Variants in DHRSX observed in about 807,000 individuals in gnomAD.
DHRSX encodes the protein polyprenol dehydrogenase.
A neutral mutation model predicts 34.0 loss-of-function variants in DHRSX; 31 were observed. The observed-to-expected ratio is 0.91, with a 90% confidence interval of 0.69 to 1.23. The LOEUF is 1.23. Ranked by LOEUF, DHRSX falls within the 50% of genes most tolerant of loss-of-function variation. The pLI is 0.00. For missense variants in DHRSX, 414 were observed against 428.1 expected, an observed-to-expected ratio of 0.97 and a Z score of 0.29; for synonymous variants, 201 against 183.8, an observed-to-expected ratio of 1.09 and a Z score of -0.76.
chrX:2,403,074 G>T (rs2043507420), intron 3 of DHRSX, among the ~76,000 whole-genome samples: 1 of 151,854 alleles, frequency 6.6e-6, no homozygotes, highest in Admixed American at 6.6e-5. Context: ...GTAGAGACGG[G>T]GTTTCACCAT....
At chrX:2,249,842 A>C (rs768858385) in intron 5 of DHRSX, among the ~76,000 whole-genome samples, 1 of 151,780 alleles carries the variant, frequency 6.6e-6, no homozygotes, top group African/African-American at 2.4e-5. Flanking sequence ...TCTTTTAGTA[A>C]CATCACTACT....
chrX:2,363,138 C>T (rs1476232361), intron 3 of DHRSX, among the ~76,000 whole-genome samples: 17 of 112,628 alleles, frequency 1.5e-4, no homozygotes, highest in South Asian at 9.3e-4. Flanking sequence ...GGTATCATGC[C>T]GCCATTTTAT....
chrX:2,439,332 G>A (rs1285478401), intron 1 of DHRSX, among the ~76,000 whole-genome samples: 3 of 152,010 alleles, frequency 2.0e-5, no homozygotes, highest in African/African-American at 7.3e-5. Flanking sequence ...ACACATTACA[G>A]AATGTATATA....
intron 3 of DHRSX, among the ~76,000 whole-genome samples, chrX:2,331,756 C>T (rs1025204622): frequency 4.0e-5 from 6 of 151,776 alleles, no homozygotes; most frequent in South Asian, 2.1e-4. Flanking sequence ...GGCCCTGACT[C>T]GAATTTTGAA....
intron 1 of DHRSX, among the ~76,000 whole-genome samples, chrX:2,450,643 G>C (rs1490018418): frequency 6.6e-6 from 1 of 151,554 alleles, no homozygotes; most frequent in Admixed American, 6.6e-5. Flanking sequence ...ATAAGCCCAA[G>C]TCCCACGTAT....
chrX:2,364,965 A>G (rs2042980495), intron 3 of DHRSX, among the ~76,000 whole-genome samples: 1 of 152,264 alleles, frequency 6.6e-6, no homozygotes, highest in East Asian at 1.9e-4. Flanking sequence ...TCTATATCAC[A>G]GTGGTTTTCA....
intron 4 of DHRSX, among the ~76,000 whole-genome samples, chrX:2,282,795 GAAAGAGA>G (rs2041737052): frequency 1.1e-4 from 7 of 63,160 alleles, no homozygotes; most frequent in African/African-American, 1.5e-4. Context: ...AGAGAGAGAA[GAAAGAGA>G]GAAGAGAGAA....
At position 2,443,738 on chromosome X, in the gene DHRSX, A is replaced by G. The variant is rs188523835; in HGVS notation, c.110-18434T>C. 9.6e-3 allele frequency among the ~76,000 whole-genome samples: 1,455 copies of G among 152,242 alleles called. 22 individuals are homozygous for G. The highest frequency in any genetic ancestry group is 0.033 in the African/African-American group (1,366 of 41,570). ...AAAGAGCCAATGGGCCGGGCACGGT[A>G]GCTCACGCCTGTAATCCCAGCACTT... On this transcript the variant is annotated intron_variant, in intron 1 of 6. Coordinates refer to ENST00000334651, the MANE Select transcript of DHRSX (RefSeq NM_145177.3).
At chrX:2,490,873 A>G in intron 1 of DHRSX, 1 of 1,056,654 alleles carries the variant, frequency 9.5e-7, no homozygotes, top group South Asian at 1.6e-5. Flanking sequence ...TCCGCTTTCA[A>G]CCAAAGGGCA....
chrX:2,298,976 ACT>A (rs967263291), intron 3 of DHRSX, among the ~76,000 whole-genome samples: 2 of 121,814 alleles, frequency 1.6e-5, no homozygotes, highest in Non-Finnish European at 3.3e-5. Context: ...CAAGAGTGAA[ACT>A]CTGTCTCAAA....
chrX:2,266,560 C>A (rs1218553413), intron 5 of DHRSX, among the ~76,000 whole-genome samples, 180 bp downstream of exon 5: 8 of 101,136 alleles, frequency 7.9e-5, no homozygotes, highest in East Asian at 3.5e-4. Flanking sequence ...GCACCAGTGT[C>A]CGGCAGATGC....
rs141928782 is a variant in DHRSX, at chrX:2,268,743, A to T, written c.389-1796T>A. Among the ~76,000 whole-genome samples the T allele has an allele frequency of 6.9e-3, 1,045 of 152,354 alleles. 12 individuals carry two copies. Among genetic ancestry groups the T allele is most frequent in the African/African-American group, 0.024 (1,004 of 41,582 alleles). On this transcript the variant is annotated intron_variant, in intron 4 of 6. Coordinates refer to ENST00000334651, the MANE Select transcript of DHRSX (RefSeq NM_145177.3). ...GTATCTGCATACAGTGTATGTATAT[A>T]TTATATGTTTCTATTTGGAATTGTA...
intron 1 of DHRSX, among the ~76,000 whole-genome samples, chrX:2,478,596 G>A (rs28398391): frequency 0.017 from 2,573 of 152,094 alleles, 68 homozygotes; most frequent in East Asian, 0.086. Flanking sequence ...CAGCACTGAA[G>A]ACATTCCCTA....
chrX:2,455,294 A>G (rs1569503148), intron 1 of DHRSX, among the ~76,000 whole-genome samples: 3 of 151,882 alleles, frequency 2.0e-5, no homozygotes, highest in South Asian at 2.1e-4. Context: ...GCCTGCTGGA[A>G]GGTGGAGGGT....
chrX:2,286,019 C>A (rs2041800738), intron 4 of DHRSX, among the ~76,000 whole-genome samples: 1 of 152,112 alleles, frequency 6.6e-6, no homozygotes, highest in African/African-American at 2.4e-5. Flanking sequence ...TCCTTTACTT[C>A]TTCTCTAAAT....
At chrX:2,461,463 T>A (rs918126194) in intron 1 of DHRSX, among the ~76,000 whole-genome samples, 3 of 152,230 alleles carry the variant, frequency 2.0e-5, no homozygotes, top group Non-Finnish European at 4.4e-5. Context: ...CACAACCTAC[T>A]AGCTCACGTA....
intron 3 of DHRSX, among the ~76,000 whole-genome samples, chrX:2,306,455 T>C (rs993652313): frequency 1.4e-5 from 2 of 146,986 alleles, no homozygotes; most frequent in Non-Finnish European, 1.5e-5. Flanking sequence ...AAGATTGCGA[T>C]CAATTATCTT....
intron 1 of DHRSX, among the ~76,000 whole-genome samples, chrX:2,438,300 A>G (rs2044020765): frequency 1.2e-5 from 1 of 83,180 alleles, no homozygotes; most frequent in Non-Finnish European, 2.3e-5. Flanking sequence ...CACATTACAG[A>G]ATGCATACAC....
At chrX:2,320,847 A>C (rs1241683442) in intron 3 of DHRSX, among the ~76,000 whole-genome samples, 1 of 151,914 alleles carries the variant, frequency 6.6e-6, no homozygotes, top group African/African-American at 2.4e-5. Flanking sequence ...CAAGGTCTAA[A>C]GATAAAGAGG....
Sources: gnomAD v4.1 joint callset for allele counts (sites outside exome capture counted in the v4.1 genomes callset) on GRCh38, gnomAD v4.1.1 for gene constraint, MANE v1.5 for transcripts, NCBI Gene and HGNC (gene_info 2026-07-23, HGNC 2026-07-21) for gene names.